Variants in ANKRD13D observed in about 807,000 individuals in gnomAD.
ANKRD13D encodes ankyrin repeat domain 13D.
In ANKRD13D, 24 loss-of-function variants were observed where a neutral mutation model predicts 68.8. That is an observed-to-expected ratio of 0.35 (90% CI 0.25 to 0.49). The LOEUF (loss-of-function observed/expected upper bound fraction) is 0.49. Among genes scored for constraint, ANKRD13D ranks in the 20% least tolerant of loss-of-function variants. ANKRD13D has a pLI of 0.99. For synonymous variants in ANKRD13D, 331 were observed against 336.1 expected (o/e 0.98, Z 0.16); for missense variants, 735 against 832.1 (o/e 0.88, Z 1.44).
At position 67,301,849 on chromosome 11, in the gene ANKRD13D, G is replaced by A. The variant is rs762003780; in HGVS notation, c.1604+26G>A. On this transcript the variant is annotated intron_variant, in intron 14 of 14. Transcript: ENST00000511455. The surrounding 1 kb of genome is among the most constrained non-coding windows in gnomAD (Gnocchi z 4.5). ...GTGAGCCCCTCATGGGGCTGGCTGG[G>A]TCCCTGTCCCCCCAGCCCTGGCTTG... 3.8e-6 allele frequency: 6 copies of A among 1,563,670 alleles called. No individual in the cohort carries two copies. The African/African-American group carries it at 5.4e-5, about 14-fold the overall frequency.
Position 67,301,822 on chromosome 11 carries a change from C to G in ANKRD13D, c.1603C>G (p.Arg535Gly). The change falls in exon 14 of 15, where the codon CGG (arginine) becomes GGG (glycine). Residue 535 changes from arginine (R) to glycine (G), a missense_variant and splice_region_variant. Transcript: ENST00000511455. The surrounding 1 kb of genome is among the most constrained non-coding windows in gnomAD (Gnocchi z 4.5). ...TTATGAGGAACAGCTTCAGCTGGAG[C>G]GGTGAGCCCCTCATGGGGCTGGCTG... ...TVYEEQLQLERALQESLQLST... is the reference protein window; with the variant it reads ...TVYEEQLQLEGALQESLQLST... 6.3e-7 allele frequency: 1 copy of G among 1,591,614 alleles called. No individual in the cohort carries two copies. The highest frequency in any genetic ancestry group is 1.1e-5 in the South Asian group (1 of 88,284).
Position 67,301,662 on chromosome 11 carries a change from C to T in ANKRD13D, c.1512+11C>T, listed in dbSNP as rs1279274228. 1 of 1,611,258 alleles carries T rather than the reference C, an allele frequency of 6.2e-7. No homozygotes were observed. The highest frequency in any genetic ancestry group is 2.2e-5 in the East Asian group (1 of 44,878). The stretch of plus-strand genomic sequence containing the variant: ...ACTGAGGCGGAGCAGGTGGGACTTG[C>T]CCAGGGGGTGGGCTCTGGCCTCTGC... On this transcript the variant is annotated intron_variant, in intron 13 of 14. Transcript: ENST00000511455. The surrounding 1 kb of genome is among the most constrained non-coding windows in gnomAD (Gnocchi z 4.5).
In ANKRD13D at chr11:67,289,759, C is replaced by T; in HGVS notation, c.90+209C>T. On this transcript the variant is annotated intron_variant, in intron 1 of 14. Transcript: ENST00000511455. ...CTCCCCTGCGCTGGGCCTTGCCCTG[C>T]TCGCCCGAACTCGCTTCCGCATCCT... 9.2e-6 allele frequency: 13 copies of T among 1,416,754 alleles called. No individual in the cohort carries two copies. The South Asian group carries it at 1.4e-4, about 15-fold the overall frequency. 87.8% of individuals were successfully genotyped at this position (1,416,754 alleles called of 1,614,324 possible).
chr11:67,291,884 C>T (rs1860571342), intron 5 of ANKRD13D, 107 bp from the exon 6 acceptor site: 1 of 1,502,680 alleles, frequency 6.7e-7, no homozygotes, highest in Non-Finnish European at 8.9e-7. Context: ...GGGGCCAAGA[C>T]TGACCCACTT....
chr11:67,300,844 G>T lies in ANKRD13D; in HGVS notation c.1074-146G>T, dbSNP rs1860949875. ...GTGGCCAGGACACCAGCTCCCGGGG[G>T]AGGCGGGCAGCGGCATCTGAGCAGA... On this transcript the variant is annotated intron_variant, in intron 10 of 14. Coordinates refer to ENST00000511455, the MANE Select transcript of ANKRD13D (RefSeq NM_207354.3). This position sits in a 1 kb window ranked among gnomAD's most constrained non-coding sequence, Gnocchi z 4.3. 2.0e-6 allele frequency: 2 copies of T among 1,017,660 alleles called. No homozygotes were observed. The highest frequency in any genetic ancestry group is 1.6e-5 in the African/African-American group (1 of 61,516). 63.0% of individuals were successfully genotyped at this position (1,017,660 alleles called of 1,614,324 possible). A position where few individuals can be genotyped will look rare whatever the true frequency, so the allele number is the denominator to read the frequency against.
chr11:67,301,036 G>C lies in ANKRD13D; in HGVS notation c.1120G>C (p.Gly374Arg). The C allele has an allele frequency of 6.2e-7, 1 of 1,614,000 alleles. No homozygotes were observed. ...WLSEEHPLSLGDQVTPIIDLM... is the reference protein window; with the variant it reads ...WLSEEHPLSLRDQVTPIIDLM... ...GAGTGAAGAGCACCCGCTCTCCCTG[G>C]GTGACCAGGTGACCCCCATCATCGA... The change falls in exon 11 of 15, where the codon GGT (glycine) becomes CGT (arginine). Residue 374 changes from glycine (G) to arginine (R), a missense_variant. Transcript: ENST00000511455. The surrounding 1 kb of genome is among the most constrained non-coding windows in gnomAD (Gnocchi z 4.5).
Position 67,290,104 on chromosome 11 carries a change from C to T in ANKRD13D, c.117C>T (p.Arg39=). 3.9e-6 allele frequency: 6 copies of T among 1,537,152 alleles called. No homozygotes were observed. The highest frequency in any genetic ancestry group is 5.2e-6 in the Non-Finnish European group (6 of 1,146,880). Residue 39 remains arginine (R), a synonymous_variant, in exon 2 of 15, where the codon CGC becomes CGT. Coordinates refer to ENST00000511455, the MANE Select transcript of ANKRD13D (RefSeq NM_207354.3). ...HQHDIEQEDP[R]GRTPLELAVS... The stretch of plus-strand genomic sequence containing the variant: ...ACGACATTGAACAGGAGGACCCCCG[C>T]GGGCGGACCCCACTGGAGCTGGCCG...
At position 67,299,641 on chromosome 11, in the gene ANKRD13D, G is replaced by C. The variant is rs373153272; in HGVS notation, c.880+30G>C. The C allele has an allele frequency of 6.5e-7, 1 of 1,549,056 alleles. No homozygotes were observed. Among genetic ancestry groups the C allele is most frequent in the Non-Finnish European group, 8.7e-7 (1 of 1,145,850 alleles). On this transcript the variant is annotated intron_variant, in intron 8 of 14. Transcript: ENST00000511455. The surrounding 1 kb of genome is among the most constrained non-coding windows in gnomAD (Gnocchi z 6.2). ...ACCCAGGTGCGCCTGCCTGCTGCCC[G>C]GTCACACCGTGTGGTGGGGTCACCC...
chr11:67,292,947 A>G (rs1022219581), intron 6 of ANKRD13D, among the ~76,000 whole-genome samples: 1 of 152,184 alleles, frequency 6.6e-6, no homozygotes, highest in Non-Finnish European at 1.5e-5. Context: ...TTCACTTAGT[A>G]TAATATATTC....
rs886076420 is a variant in ANKRD13D at position 67,290,080 on chromosome 11, C to T, written c.93C>T (p.His31=). Residue 31 remains histidine, a splice_region_variant and synonymous_variant, in exon 2 of 15, where the codon CAC becomes CAT. Coordinates refer to ENST00000511455, the MANE Select transcript of ANKRD13D (RefSeq NM_207354.3). ...TGTGAGTGTCCCGTCTCCCCCAGCA[C>T]GACATTGAACAGGAGGACCCCCGCG... ...ELEAALHSHQ[H]DIEQEDPRGR... is the part of the protein sequence containing the mutation. The T allele has an allele frequency of 1.6e-4, 250 of 1,536,736 alleles. No homozygotes were observed. The highest frequency in any genetic ancestry group is 2.1e-4 in the Non-Finnish European group (241 of 1,146,690).
At position 67,300,631 on chromosome 11, in the gene ANKRD13D, G is replaced by C. The variant is rs1417853373; in HGVS notation, c.1074-359G>C. 8.9e-6 allele frequency: 4 copies of C among 451,272 alleles called. No individual in the cohort carries two copies. The Admixed American group carries it at 1.6e-4, about 18-fold the overall frequency. The allele number at this position is 451,272 out of a possible 1,614,324, so 28.0% of individuals were successfully genotyped here. A position where few individuals can be genotyped will look rare whatever the true frequency, so the allele number is the denominator to read the frequency against. ...GGCAGTCTTGCCCTGGGGTGTGCTG[G>C]ACATAAAAGTTTGGCAACACGTGAG... On this transcript the variant is annotated intron_variant, in intron 10 of 14. Transcript: ENST00000511455. This position sits in a 1 kb window ranked among gnomAD's most constrained non-coding sequence, Gnocchi z 4.3.
Position 67,291,464 on chromosome 11 carries a change from G to A in ANKRD13D, c.352-12G>A. The stretch of plus-strand genomic sequence containing the variant: ...AGGCAGGGCGCTGACAAGCAGCTCT[G>A]GTTTCTCTTAGGCCCCCGATTTCTA... On this transcript the variant is annotated splice_polypyrimidine_tract_variant and intron_variant, in intron 3 of 14. Transcript: ENST00000511455. 6.2e-7 allele frequency: 1 copy of A among 1,613,796 alleles called. No homozygotes were observed. The highest frequency in any genetic ancestry group is 1.1e-5 in the South Asian group (1 of 91,074).
At position 67,302,342 on chromosome 11, in the gene ANKRD13D, C is replaced by G; in HGVS notation, c.*10C>G. 6.7e-7 allele frequency: 1 copy of G among 1,495,082 alleles called. No homozygotes were observed. The highest frequency in any genetic ancestry group is 9.0e-7 in the Non-Finnish European group (1 of 1,112,928). The allele number at this position is 1,495,082 out of a possible 1,614,324, so 92.6% of individuals were successfully genotyped here. ...ACTCACTGAGCACTGAGCCATAGCC[C>G]CGGGAGGGCTGGCCAGGCCACTCCC... On this transcript the variant is annotated 3_prime_UTR_variant, in exon 15 of 15. Coordinates refer to ENST00000511455, the MANE Select transcript of ANKRD13D (RefSeq NM_207354.3).
intron 3 of ANKRD13D, 23 bp from the exon 4 acceptor site, chr11:67,291,453 C>G: frequency 6.2e-7 from 1 of 1,611,850 alleles, no homozygotes; most frequent in Non-Finnish European, 8.5e-7. Flanking sequence ...AGGGCGCTGA[C>G]AAGCAGCTCT....
Position 67,302,228 on chromosome 11 carries a change from G to A in ANKRD13D, c.1714G>A (p.Ala572Thr), listed in dbSNP as rs1480335577. The change falls in exon 15 of 15, where the codon GCC (alanine) becomes ACC (threonine). Residue 572 changes from alanine (A) to threonine (T), a missense_variant. Physicochemically the swap from Ala to Thr is moderately conservative, Grantham distance 58. Transcript: ENST00000511455. ...CAGCTTTGAAGAGCAGCTGCGCCTG[G>A]CCCTGGAGTTGTCTTCACGGGAGCA... ...PPSFEEQLRLALELSSREQEE... is the reference protein window; with the variant it reads ...PPSFEEQLRLTLELSSREQEE... 1.3e-6 allele frequency: 2 copies of A among 1,579,212 alleles called. No individual in the cohort carries two copies. The highest frequency in any genetic ancestry group is 1.7e-6 in the Non-Finnish European group (2 of 1,162,564).
chr11:67,297,870 A>G (rs1860820411), intron 6 of ANKRD13D: 1 of 150,376 alleles, frequency 6.6e-6, no homozygotes, highest in East Asian at 2.0e-4. Flanking sequence ...ATCTCAGAGT[A>G]TTTTCTGATT....
chr11:67,299,025 A>G lies in ANKRD13D; in HGVS notation c.732-33A>G. Reference sequence around the variant, plus strand: ...GGCTTTGGCCAGCGTGTGAGGGTGCAGGTCTCACCAGCTCCTGTTTGGTCT... The same window carrying G: ...GGCTTTGGCCAGCGTGTGAGGGTGCGGGTCTCACCAGCTCCTGTTTGGTCT... On this transcript the variant is annotated intron_variant, in intron 6 of 14. Coordinates refer to ENST00000511455, the MANE Select transcript of ANKRD13D (RefSeq NM_207354.3). This position sits in a 1 kb window ranked among gnomAD's most constrained non-coding sequence, Gnocchi z 6.2. 6.2e-7 allele frequency: 1 copy of G among 1,604,676 alleles called. No individual in the cohort carries two copies. Among genetic ancestry groups the G allele is most frequent in the Non-Finnish European group, 8.5e-7 (1 of 1,173,096 alleles).
At chr11:67,296,607 T>G (rs1488967438) in intron 6 of ANKRD13D, among the ~76,000 whole-genome samples, 1 of 151,408 alleles carries the variant, frequency 6.6e-6, no homozygotes, top group Non-Finnish European at 1.5e-5. Context: ...TAATTTGAAG[T>G]TTTTGTTTTG....
rs1362667576 is a variant in ANKRD13D, at chr11:67,296,167, G to T, written c.732-2891G>T. On this transcript the variant is annotated intron_variant, in intron 6 of 14. Transcript: ENST00000511455. ...GTGTCCATATTCATAAGTGATATTG[G>T]TCTGTAGTTTTCTTGTGATATATGT... Among the ~76,000 whole-genome samples the T allele has an allele frequency of 2.0e-5, 3 of 152,106 alleles. No homozygotes were observed. In the East Asian group the frequency reaches 5.8e-4, roughly 29 times the overall value.
Sources: allele counts gnomAD v4.1 joint callset (sites outside exome capture counted in the v4.1 genomes callset), GRCh38; gene constraint gnomAD v4.1.1; non-coding constraint Gnocchi (gnomAD v3.1); transcripts MANE v1.5; gene names NCBI Gene and HGNC (gene_info 2026-07-23, HGNC 2026-07-21).